The following KIAA1217 variants were observed in gnomAD, a reference collection of about 807,000 sequenced individuals.
KIAA1217 encodes the protein sickle tail protein homolog.
A neutral mutation model predicts 163.9 loss-of-function variants in KIAA1217; 88 were observed. That is an observed-to-expected ratio of 0.54 (90% CI 0.45 to 0.64). KIAA1217 has a LOEUF of 0.64. KIAA1217 is among the 30% of genes least tolerant of loss of function. The pLI is 0.00. For missense variants in KIAA1217, 2,372 were observed against 2,475.0 expected (o/e 0.96, Z 0.88); for synonymous variants, 903 against 923.1 (o/e 0.98, Z 0.39).
chr10:24,381,073 C>T lies in KIAA1217; in HGVS notation c.553+6C>T, dbSNP rs748812772. The T allele has an allele frequency of 2.0e-6, 3 of 1,527,350 alleles. No homozygotes were observed. The highest frequency in any genetic ancestry group is 2.6e-6 in the Non-Finnish European group (3 of 1,134,448). The allele number at this position is 1,527,350 out of a possible 1,614,324, so 94.6% of individuals were successfully genotyped here. ...GACGAAAGAAAGATCTCTGGGTAAG[C>T]TTTAGAAGGCAGTTTCTGATGCCCC... On this transcript the variant is annotated splice_donor_region_variant and intron_variant, in intron 3 of 20. Transcript: ENST00000376454.
intron 1 of KIAA1217, among the ~76,000 whole-genome samples, chr10:23,857,715 C>T (rs1223981655): frequency 6.6e-6 from 1 of 152,140 alleles, no homozygotes; most frequent in East Asian, 1.9e-4. Flanking sequence ...GGAGTGACAT[C>T]TCTCAACCTT....
At chr10:24,335,258 G>C (rs1363449999) in intron 2 of KIAA1217, among the ~76,000 whole-genome samples, 1 of 151,484 alleles carries the variant, frequency 6.6e-6, no homozygotes, top group Non-Finnish European at 1.5e-5. Context: ...GGGAGGTTAG[G>C]AGGAGATGGG....
intron 2 of KIAA1217, among the ~76,000 whole-genome samples, chr10:24,376,008 A>T (rs568086344): frequency 2.1e-4 from 32 of 152,344 alleles, no homozygotes; most frequent in Non-Finnish European, 1.8e-4. Context: ...GTTATCTCCA[A>T]ATCCAATAGC....
chr10:24,417,145 G>A (rs1034464217), intron 3 of KIAA1217, among the ~76,000 whole-genome samples: 2 of 151,990 alleles, frequency 1.3e-5, no homozygotes, highest in Non-Finnish European at 2.9e-5. Context: ...AGGCCAGCGT[G>A]ATATGAATTT....
intron 6 of KIAA1217, among the ~76,000 whole-genome samples, chr10:24,485,877 C>T (rs914332614): frequency 2.6e-5 from 4 of 152,128 alleles, no homozygotes; most frequent in Non-Finnish European, 4.4e-5. Context: ...TGTATCTCCC[C>T]GTGGATGTCT....
At chr10:24,451,793 G>A (rs2061394639) in intron 5 of KIAA1217, among the ~76,000 whole-genome samples, 1 of 152,160 alleles carries the variant, frequency 6.6e-6, no homozygotes, top group Non-Finnish European at 1.5e-5. Flanking sequence ...TATAGGTGTT[G>A]GCGGAGATTG....
intron 1 of KIAA1217, among the ~76,000 whole-genome samples, chr10:23,920,519 A>T (rs917261401): frequency 1.3e-5 from 2 of 152,232 alleles, no homozygotes; most frequent in East Asian, 3.8e-4. Flanking sequence ...ATCAGATCAC[A>T]TTAGACTTGG....
chr10:24,250,101 G>A (rs1262897037), intron 2 of KIAA1217, among the ~76,000 whole-genome samples: 1 of 152,172 alleles, frequency 6.6e-6, no homozygotes, highest in Non-Finnish European at 1.5e-5. Flanking sequence ...AAGGCGTGGG[G>A]AGGGAGAGGT....
intron 2 of KIAA1217, among the ~76,000 whole-genome samples, chr10:24,062,801 T>C (rs972738346): frequency 6.6e-6 from 1 of 152,148 alleles, no homozygotes; most frequent in Non-Finnish European, 1.5e-5. Flanking sequence ...CCAGCACCTG[T>C]TGTTTCCTGA....
At chr10:23,824,949 G>A (rs1293854008) in intron 1 of KIAA1217, among the ~76,000 whole-genome samples, 1 of 151,810 alleles carries the variant, frequency 6.6e-6, no homozygotes, top group Admixed American at 6.6e-5. Flanking sequence ...CCTTAATATG[G>A]CTCCATTTGA....
chr10:23,908,935 T>A (rs922701600), intron 1 of KIAA1217, among the ~76,000 whole-genome samples: 1 of 151,940 alleles, frequency 6.6e-6, no homozygotes, highest in Non-Finnish European at 1.5e-5. Context: ...GATGCACAAT[T>A]GCAAAAATGT....
chr10:24,112,459 T>A (rs145829033), intron 2 of KIAA1217, among the ~76,000 whole-genome samples: 1 of 152,192 alleles, frequency 6.6e-6, no homozygotes, highest in African/African-American at 2.4e-5. Flanking sequence ...AAAATTTATG[T>A]CCACCCAGGA....
intron 1 of KIAA1217, among the ~76,000 whole-genome samples, chr10:23,788,219 A>T (rs1384617966): frequency 1.3e-5 from 2 of 152,146 alleles, no homozygotes; most frequent in African/African-American, 2.4e-5. Context: ...GAAAAATAAC[A>T]AAAACCAAAC....
intron 2 of KIAA1217, among the ~76,000 whole-genome samples, chr10:24,035,599 G>A (rs890200118): frequency 6.6e-6 from 1 of 152,182 alleles, no homozygotes; most frequent in African/African-American, 2.4e-5. Context: ...AGCTCATGAT[G>A]GAAACCCCAG....
chr10:24,385,950 C>T (rs561592159), intron 3 of KIAA1217, among the ~76,000 whole-genome samples: 9 of 152,104 alleles, frequency 5.9e-5, no homozygotes, highest in African/African-American at 1.9e-4. Flanking sequence ...TGACCATGGG[C>T]GGGGGTTGGT....
chr10:24,272,439 C>G (rs2076863662), intron 2 of KIAA1217, among the ~76,000 whole-genome samples: 1 of 152,152 alleles, frequency 6.6e-6, no homozygotes, highest in Admixed American at 6.5e-5. Context: ...AGTTCTAAAA[C>G]TTCTCAACTG....
chr10:23,767,896 G>A (rs57641002), intron 1 of KIAA1217, among the ~76,000 whole-genome samples: 2,874 of 152,254 alleles, frequency 0.019, 93 homozygotes, highest in African/African-American at 0.065. Flanking sequence ...TCCAAGTAGG[G>A]CTTTCTCCTT....
chr10:24,351,597 T>C (rs2048469299), intron 2 of KIAA1217, among the ~76,000 whole-genome samples: 1 of 152,202 alleles, frequency 6.6e-6, no homozygotes, highest in Non-Finnish European at 1.5e-5. Flanking sequence ...GCAGAACTCA[T>C]GAAAAACAAT....
intron 2 of KIAA1217, among the ~76,000 whole-genome samples, chr10:24,305,199 G>A (rs1414765113): frequency 1.3e-5 from 2 of 152,184 alleles, no homozygotes; most frequent in Non-Finnish European, 2.9e-5. Context: ...GGGAGATATT[G>A]TAGCCAGGTT....
Sources: allele counts gnomAD v4.1 joint callset (sites outside exome capture counted in the v4.1 genomes callset), GRCh38; gene constraint gnomAD v4.1.1; transcripts MANE v1.5; gene names NCBI Gene and HGNC (gene_info 2026-07-23, HGNC 2026-07-21).